The following ARHGAP32 variants were observed in gnomAD, a reference collection of about 807,000 sequenced individuals.
The protein encoded by ARHGAP32 is rho GTPase-activating protein 32.
ARHGAP32 carries 51 observed loss-of-function variants against 186.5 expected under a neutral mutation model. The ratio of observed to expected loss-of-function variants is 0.27; its 90% CI spans 0.22 to 0.35. The LOEUF is 0.35. ARHGAP32 is among the 10% of genes least tolerant of loss of function. ARHGAP32 has a pLI of 1.00. For synonymous variants in ARHGAP32, 950 were observed against 964.3 expected, an observed-to-expected ratio of 0.99 and a Z score of 0.27; for missense variants, 2,186 against 2,623.5, an observed-to-expected ratio of 0.83 and a Z score of 3.64.
chr11:129,118,242 T>C (rs149371928), intron 5 of ARHGAP32, among the ~76,000 whole-genome samples: 45 of 152,138 alleles, frequency 3.0e-4, no homozygotes, highest in Admixed American at 3.0e-3. Flanking sequence ...ATATTAATAT[T>C]TGACAAAGTT....
At chr11:129,212,670 T>C (rs1944595492) in intron 1 of ARHGAP32, among the ~76,000 whole-genome samples, 1 of 152,180 alleles carries the variant, frequency 6.6e-6, no homozygotes, top group Non-Finnish European at 1.5e-5. Context: ...ACAATTGTAA[T>C]GTTTTAGATG....
chr11:129,202,393 T>C (rs951191118), intron 1 of ARHGAP32, among the ~76,000 whole-genome samples: 5 of 151,882 alleles, frequency 3.3e-5, no homozygotes, highest in African/African-American at 1.2e-4. Flanking sequence ...ATACATAGGA[T>C]TGAACGACTG....
intron 6 of ARHGAP32, among the ~76,000 whole-genome samples, chr11:129,089,547 G>A (rs551013557): frequency 6.6e-6 from 1 of 152,286 alleles, no homozygotes; most frequent in East Asian, 1.9e-4. Flanking sequence ...AAGCTGGTGT[G>A]ACCACAGCAT....
intron 1 of ARHGAP32, among the ~76,000 whole-genome samples, chr11:129,187,763 A>G (rs1220376792): frequency 6.6e-6 from 1 of 151,828 alleles, no homozygotes; most frequent in African/African-American, 2.4e-5. Context: ...CAAGGTTACA[A>G]AACAATATAA....
At chr11:129,174,250 G>A (rs992653137) in intron 1 of ARHGAP32, among the ~76,000 whole-genome samples, 4 of 152,114 alleles carry the variant, frequency 2.6e-5, no homozygotes, top group African/African-American at 7.2e-5. Flanking sequence ...AAAAAATGGC[G>A]CACCAGGACA....
chr11:129,051,134 T>G (rs1940025233), intron 10 of ARHGAP32, among the ~76,000 whole-genome samples: 2 of 152,230 alleles, frequency 1.3e-5, no homozygotes, highest in African/African-American at 4.8e-5. Flanking sequence ...GTAGAATAAT[T>G]TATAATCCTT....
At chr11:129,231,584 G>A (rs574009224) in intron 1 of ARHGAP32, among the ~76,000 whole-genome samples, 1 of 152,232 alleles carries the variant, frequency 6.6e-6, no homozygotes, top group East Asian at 1.9e-4. Flanking sequence ...ACTGTCAACT[G>A]TGGACAAAAC....
At chr11:129,210,604 A>T (rs539229203) in intron 1 of ARHGAP32, among the ~76,000 whole-genome samples, 33 of 152,172 alleles carry the variant, frequency 2.2e-4, no homozygotes, top group African/African-American at 7.7e-4. Flanking sequence ...CAAAAATACC[A>T]CTCTCAAATA....
intron 21 of ARHGAP32, chr11:128,973,771 T>G: frequency 2.0e-6 from 1 of 510,954 alleles, no homozygotes; most frequent in Non-Finnish European, 3.4e-6. Flanking sequence ...GTTTTTACAT[T>G]TGATGGTGTA....
chr11:129,142,608 G>A (rs1241698063), intron 2 of ARHGAP32, among the ~76,000 whole-genome samples: 7 of 151,874 alleles, frequency 4.6e-5, no homozygotes, highest in Admixed American at 4.6e-4. Flanking sequence ...AATTGCCATG[G>A]AAAATCAGAA....
rs1161733751 is a variant in ARHGAP32 at position 128,968,137 on chromosome 11, TA to T, written c.*769del. 1 of 152,064 alleles carries T rather than the reference TA, an allele frequency of 6.6e-6. No individual in the cohort carries two copies. The highest frequency in any genetic ancestry group is 1.5e-5 in the Non-Finnish European group (1 of 68,006). 9.4% of individuals were successfully genotyped at this position (152,064 alleles called of 1,614,324 possible). ...AATAAGAACTTTACTTTCTTCCACC[TA>T]AAGAAGTTTCCTTAAGTACTAACTT... is the stretch of plus-strand genomic sequence containing the variant. On this transcript the variant is annotated 3_prime_UTR_variant, in exon 23 of 23. Coordinates refer to ENST00000682385, the MANE Select transcript of ARHGAP32 (RefSeq NM_001378024.1).
intron 1 of ARHGAP32, among the ~76,000 whole-genome samples, chr11:129,202,783 G>A (rs761207110): frequency 6.6e-6 from 1 of 151,950 alleles, no homozygotes; most frequent in Non-Finnish European, 1.5e-5. Flanking sequence ...GAATTCACAC[G>A]CCACATCACT....
At chr11:129,203,236 T>C (rs1944477464) in intron 1 of ARHGAP32, among the ~76,000 whole-genome samples, 1 of 148,148 alleles carries the variant, frequency 6.8e-6, no homozygotes, top group Non-Finnish European at 1.5e-5. Flanking sequence ...ATCTTATCAG[T>C]CTAAGTGACG....
chr11:129,193,574 A>AT (rs1197733101), upstream of ARHGAP32, among the ~76,000 whole-genome samples: 1 of 11,804 alleles, frequency 8.5e-5, no homozygotes, highest in African/African-American at 6.7e-4. Flanking sequence ...TATATAATAT[A>AT]TATATATTAT....
At chr11:129,135,715 T>A (rs1443132910) in intron 2 of ARHGAP32, among the ~76,000 whole-genome samples, 2 of 151,772 alleles carry the variant, frequency 1.3e-5, no homozygotes, top group Non-Finnish European at 2.9e-5. Flanking sequence ...TGCAATGAGC[T>A]GAGATCGCGC....
At chr11:128,982,892 A>T (rs983202938) in intron 15 of ARHGAP32, among the ~76,000 whole-genome samples, 24 of 46,542 alleles carry the variant, frequency 5.2e-4, no homozygotes, top group African/African-American at 6.0e-4. Context: ...CCTTGTCTTT[A>T]AAAAAAAAAA....
chr11:129,197,506 T>G (rs767308383), intron 1 of ARHGAP32, among the ~76,000 whole-genome samples: 3 of 152,202 alleles, frequency 2.0e-5, no homozygotes, highest in Non-Finnish European at 4.4e-5. Flanking sequence ...GCACCAAGCT[T>G]TGTCCACAGA....
At position 128,966,645 on chromosome 11, in the gene ARHGAP32, T is replaced by A. The variant is rs1390058124; in HGVS notation, c.*2262A>T. 6.6e-6 allele frequency: 1 copy of A among 152,234 alleles called. No individual in the cohort carries two copies. The highest frequency in any genetic ancestry group is 1.5e-5 in the Non-Finnish European group (1 of 68,042). 9.4% of individuals were successfully genotyped at this position (152,234 alleles called of 1,614,324 possible). On this transcript the variant is annotated 3_prime_UTR_variant, in exon 23 of 23. Coordinates refer to ENST00000682385, the MANE Select transcript of ARHGAP32 (RefSeq NM_001378024.1). ...CTACTATTTATAAAATAGGTTTTAG[T>A]TTCAGGACTAAACAATGTGTGTGAC...
rs1400374845 is a variant in ARHGAP32, at chr11:129,044,477, C to T, written c.964-3468G>A. Among the ~76,000 whole-genome samples the T allele has an allele frequency of 5.3e-5, 8 of 152,216 alleles. No homozygotes were observed. In the South Asian group the frequency reaches 8.3e-4, roughly 16 times the overall value. On this transcript the variant is annotated intron_variant, in intron 10 of 22. Transcript: ENST00000682385. ...ATATAAATAACTCCCACAAGCTTAG[C>T]GTTCCAATAATGGAACACTAAGCAT...
Sources: gnomAD v4.1 joint callset for allele counts (sites outside exome capture counted in the v4.1 genomes callset) on GRCh38, gnomAD v4.1.1 for gene constraint, MANE v1.5 for transcripts, NCBI Gene and HGNC (gene_info 2026-07-23, HGNC 2026-07-21) for gene names.